ABHD12: variants seen among roughly 807,000 people sequenced by gnomAD.
The protein encoded by ABHD12 is abhydrolase domain containing 12, lysophospholipase.
A neutral mutation model predicts 58.3 loss-of-function variants in ABHD12; 43 were observed. The observed-to-expected ratio is 0.74, with a 90% CI of 0.58 to 0.95. The LOEUF (loss-of-function observed/expected upper bound fraction) is 0.95. Among genes scored for constraint, ABHD12 ranks in the 40% least tolerant of loss-of-function variants. ABHD12 has a pLI of 0.00. For synonymous variants in ABHD12, 219 were observed against 211.2 expected (o/e 1.04, Z -0.32); for missense variants, 539 against 537.2 (o/e 1.00, Z -0.03).
At chr20:25,339,063 T>TC in intron 2 of ABHD12, 164 bp downstream of exon 2, 2 of 1,402,254 alleles carry the variant, frequency 1.4e-6, no homozygotes, top group South Asian at 2.9e-5. Context: ...TACCTATCTA[T>TC]CTCTAAAGAT....
downstream of ABHD12, among the ~76,000 whole-genome samples, chr20:25,295,257 C>T (rs1426585142): frequency 3.9e-5 from 6 of 152,242 alleles, no homozygotes; most frequent in African/African-American, 9.6e-5. Flanking sequence ...CCTGAGGCGG[C>T]GCCATGGGCT....
exon 13 of ABHD12, chr20:25,294,864 G>T: frequency 7.7e-7 from 1 of 1,292,884 alleles, no homozygotes; most frequent in Non-Finnish European, 1.1e-6. Flanking sequence ...GGCAAAAGTT[G>T]AATCCGGCGA....
chr20:25,388,399 G>A (rs1302067943), intron 1 of ABHD12, among the ~76,000 whole-genome samples: 1 of 152,206 alleles, frequency 6.6e-6, no homozygotes, highest in Non-Finnish European at 1.5e-5. Context: ...CTTCCATTCT[G>A]GTTGCGGGGG....
At chr20:25,326,648 A>G (rs1157625238) in intron 2 of ABHD12, among the ~76,000 whole-genome samples, 4 of 152,262 alleles carry the variant, frequency 2.6e-5, no homozygotes, top group African/African-American at 9.6e-5. Flanking sequence ...CAAGTATATA[A>G]TAAGACTAAA....
At chr20:25,339,867 G>T (rs898516636) in intron 1 of ABHD12, 5 of 867,684 alleles carry the variant, frequency 5.8e-6, no homozygotes, top group Non-Finnish European at 7.7e-6. Context: ...AACTGGCACG[G>T]TGTGTCCTTG....
Position 25,371,179 on chromosome 20 carries a change from T to A in ABHD12, c.191+19334A>T, listed in dbSNP as rs75733497. Among the ~76,000 whole-genome samples the A allele has an allele frequency of 5.9e-3, 891 of 152,222 alleles. 4 individuals are homozygous for A. Among genetic ancestry groups the A allele is most frequent in the South Asian group, 0.032 (156 of 4,818 alleles). On this transcript the variant is annotated intron_variant, in intron 1 of 12. Transcript: ENST00000339157. ...ACCACAGACTGAGACACTGGACTGG[T>A]GGTCACGGTTCCTACACAAAAGGCC...
chr20:25,390,505 A>G lies in ABHD12; in HGVS notation c.191+8T>C. The G allele has an allele frequency of 9.8e-7, 1 of 1,017,266 alleles. No homozygotes were observed. The highest frequency in any genetic ancestry group is 1.3e-6 in the Non-Finnish European group (1 of 780,580). 63.0% of individuals were successfully genotyped at this position (1,017,266 alleles called of 1,614,324 possible). A position where few individuals can be genotyped will look rare whatever the true frequency, so the allele number is the denominator to read the frequency against. On this transcript the variant is annotated splice_region_variant and intron_variant, in intron 1 of 12. Coordinates refer to ENST00000339157, the MANE Select transcript of ABHD12 (RefSeq NM_001042472.3). The stretch of plus-strand genomic sequence containing the variant: ...CCCCCCCCCCCCCCGCTCCGCGCGA[A>G]GCCTCACCTGCCCAGCGCCCGCTTC...
chr20:25,350,071 A>G (rs1186803502), intron 1 of ABHD12, among the ~76,000 whole-genome samples: 2 of 152,232 alleles, frequency 1.3e-5, no homozygotes, highest in Non-Finnish European at 2.9e-5. Flanking sequence ...TGTAGTCCCA[A>G]TAATAAAACC....
intron 1 of ABHD12, among the ~76,000 whole-genome samples, chr20:25,360,227 CTTTTTTTTTT>C (rs576215687): frequency 7.0e-4 from 26 of 37,410 alleles, no homozygotes; most frequent in South Asian, 5.2e-3. Context: ...GAACACGTTA[CTTTTTTTTTT>C]TTTTTTTTTT....
In ABHD12 at chr20:25,363,450, C is replaced by G. The variant is rs564405068; in HGVS notation, c.192-24099G>C. On this transcript the variant is annotated intron_variant, in intron 1 of 12. Transcript: ENST00000339157. The stretch of plus-strand genomic sequence containing the variant: ...GCCAGGATGGTGTGCATCTCCTGAC[C>G]TCGTGATCCACTCGCCTCGGCCTCC... 2.2e-4 allele frequency among the ~76,000 whole-genome samples: 33 copies of G among 152,100 alleles called. 1 individual carries two copies. The South Asian group carries it at 6.9e-3, about 32-fold the overall frequency.
intron 1 of ABHD12, among the ~76,000 whole-genome samples, chr20:25,385,171 C>A (rs1244201109): frequency 6.6e-6 from 1 of 151,838 alleles, no homozygotes; most frequent in Non-Finnish European, 1.5e-5. Flanking sequence ...AACCCTGTCT[C>A]TACTAAAAAT....
At chr20:25,300,919 A>G in intron 12 of ABHD12, 35 bp from the exon 13 acceptor site, 1 of 1,605,552 alleles carries the variant, frequency 6.2e-7, no homozygotes, top group Non-Finnish European at 8.5e-7. Context: ...CAATCATTTG[A>G]GCTCAGACCA....
In ABHD12 at chr20:25,350,908, A is replaced by T. The variant is rs369674720; in HGVS notation, c.192-11557T>A. On this transcript the variant is annotated intron_variant, in intron 1 of 12. Coordinates refer to ENST00000339157, the MANE Select transcript of ABHD12 (RefSeq NM_001042472.3). ...ATTGACCTTGGATACCAGAGCATTT[A>T]AAAAAAAGCTGTAGAAAAGCCTCAT... 2.7e-4 allele frequency among the ~76,000 whole-genome samples: 41 copies of T among 151,560 alleles called. 1 individual carries two copies. The highest frequency in any genetic ancestry group is 6.8e-4 in the African/African-American group (28 of 41,294).
intron 12 of ABHD12, chr20:25,295,087 T>C (rs1005170336): frequency 2.6e-6 from 4 of 1,538,624 alleles, no homozygotes; most frequent in Non-Finnish European, 3.6e-6. Flanking sequence ...GAAGTGTGCT[T>C]CTGACTCGAT....
intron 11 of ABHD12, chr20:25,303,260 A>C: frequency 7.9e-7 from 1 of 1,264,424 alleles, no homozygotes; most frequent in African/African-American, 1.5e-5. Flanking sequence ...CCACTCTGAT[A>C]ACCCCTGTGT....
intron 1 of ABHD12, among the ~76,000 whole-genome samples, chr20:25,342,195 TAAAC>T (rs2089464003): frequency 6.8e-6 from 1 of 146,018 alleles, no homozygotes; most frequent in Non-Finnish European, 1.5e-5. Flanking sequence ...AGTGAATGGA[TAAAC>T]AAACCATGGT....
chr20:25,307,719 C>G (rs1228746567), intron 9 of ABHD12, among the ~76,000 whole-genome samples: 1 of 152,240 alleles, frequency 6.6e-6, no homozygotes, highest in Admixed American at 6.5e-5. Flanking sequence ...ACCACGTGAG[C>G]CCGGCCTCCA....
At chr20:25,313,772 C>G (rs1165609095) in intron 6 of ABHD12, among the ~76,000 whole-genome samples, 1 of 132,674 alleles carries the variant, frequency 7.5e-6, no homozygotes, top group Non-Finnish European at 1.6e-5. Flanking sequence ...CAGAGTGAGA[C>G]CCTGTCTCAA....
chr20:25,377,601 A>T (rs1600876262), intron 1 of ABHD12, among the ~76,000 whole-genome samples: 4 of 152,206 alleles, frequency 2.6e-5, no homozygotes, highest in African/African-American at 9.6e-5. Context: ...AACTAACCCA[A>T]ACCCTCAATA....
Sources: allele counts gnomAD v4.1 joint callset (sites outside exome capture counted in the v4.1 genomes callset), GRCh38; gene constraint gnomAD v4.1.1; transcripts MANE v1.5; gene names NCBI Gene and HGNC (gene_info 2026-07-23, HGNC 2026-07-21).